GRID2: variants seen among roughly 807,000 people sequenced by gnomAD.
The protein encoded by GRID2 is glutamate ionotropic receptor delta type subunit 2.
Under a neutral mutation model 114.8 loss-of-function variants are expected in GRID2, and 33 were observed. The observed-to-expected ratio is 0.29, with a 90% CI of 0.22 to 0.38. The LOEUF (loss-of-function observed/expected upper bound fraction) is 0.38, where lower values mean the gene tolerates loss of function less well. Ranked by LOEUF, GRID2 falls within the 10% of genes least tolerant of loss-of-function variation. GRID2 has a pLI of 1.00. For synonymous variants in GRID2, 505 were observed against 449.9 expected (o/e 1.12, Z -1.55); for missense variants, 1,184 against 1,257.7 (o/e 0.94, Z 0.89).
intron 14 of GRID2, among the ~76,000 whole-genome samples, chr4:93,699,535 A>G (rs1241130020): frequency 1.3e-5 from 2 of 152,096 alleles, no homozygotes; most frequent in Admixed American, 1.3e-4. Flanking sequence ...CAAATAAAGA[A>G]TCTGAGGTTC....
At chr4:92,367,892 A>G (rs1318621661) in intron 1 of GRID2, among the ~76,000 whole-genome samples, 1 of 151,760 alleles carries the variant, frequency 6.6e-6, no homozygotes, top group Admixed American at 6.6e-5. Context: ...GTAAATTCCA[A>G]ATGATCTCTT....
rs73837318 is a variant in GRID2 at position 92,539,289 on chromosome 4, C to A, written c.89-50842C>A. Reference sequence around the variant, plus strand: ...TGAGTGTTTAACTATCTTAAATTTACACAGAGAAACATGTTGTGTCTGTAA... The same window carrying A: ...TGAGTGTTTAACTATCTTAAATTTAAACAGAGAAACATGTTGTGTCTGTAA... On this transcript the variant is annotated intron_variant, in intron 1 of 15. Coordinates refer to ENST00000282020, the MANE Select transcript of GRID2 (RefSeq NM_001510.4). Among the ~76,000 whole-genome samples the A allele has an allele frequency of 1.4e-3, 220 of 152,122 alleles. 1 individual carries two copies. The highest frequency in any genetic ancestry group is 4.6e-3 in the African/African-American group (192 of 41,498).
Position 93,116,962 on chromosome 4 carries a change from A to G in GRID2, c.735+6009A>G, listed in dbSNP as rs149765225. 2.0e-3 allele frequency among the ~76,000 whole-genome samples: 306 copies of G among 152,224 alleles called. 1 individual carries two copies. Among genetic ancestry groups the G allele is most frequent in the Non-Finnish European group, 3.4e-3 (232 of 67,970 alleles). ...GCAGTGATTCAATATTCACAAATGC[A>G]GTGTTCATAGGAATTTTATAGAACC... On this transcript the variant is annotated intron_variant, in intron 4 of 15. Transcript: ENST00000282020.
intron 1 of GRID2, among the ~76,000 whole-genome samples, chr4:92,569,693 A>T (rs1234917631): frequency 6.6e-6 from 1 of 151,838 alleles, no homozygotes; most frequent in East Asian, 1.9e-4. Flanking sequence ...TCTCATTGTC[A>T]TTTTGATTTG....
chr4:92,601,260 A>G (rs1729203741), intron 2 of GRID2, among the ~76,000 whole-genome samples: 1 of 152,204 alleles, frequency 6.6e-6, no homozygotes, highest in Non-Finnish European at 1.5e-5. Context: ...CACTTACATT[A>G]AAATTCATCA....
chr4:93,220,514 A>C (rs1744751461), intron 6 of GRID2, among the ~76,000 whole-genome samples: 1 of 152,324 alleles, frequency 6.6e-6, no homozygotes. Flanking sequence ...TGTATATACA[A>C]TTAAAAGTAA....
chr4:92,988,024 A>T (rs1332294893), intron 2 of GRID2, among the ~76,000 whole-genome samples: 1 of 152,188 alleles, frequency 6.6e-6, no homozygotes, highest in East Asian at 1.9e-4. Flanking sequence ...TTATTTATTT[A>T]TTCAATTCAT....
intron 14 of GRID2, among the ~76,000 whole-genome samples, chr4:93,735,430 C>G (rs186461824): frequency 6.6e-6 from 1 of 151,558 alleles, no homozygotes; most frequent in East Asian, 1.9e-4. Context: ...TTTTTTCTTT[C>G]AAAGGCCAAA....
chr4:93,150,288 T>C (rs1736619313), intron 4 of GRID2, among the ~76,000 whole-genome samples: 1 of 152,166 alleles, frequency 6.6e-6, no homozygotes, highest in South Asian at 2.1e-4. Flanking sequence ...TATCAGGCTC[T>C]AGTACAGAAC....
chr4:92,832,449 A>C (rs1742177522), intron 2 of GRID2, among the ~76,000 whole-genome samples: 2 of 151,952 alleles, frequency 1.3e-5, no homozygotes. Flanking sequence ...GCTGCAGTGC[A>C]GTGACGCAAT....
intron 2 of GRID2, among the ~76,000 whole-genome samples, chr4:92,924,214 A>T (rs983234686): frequency 2.0e-5 from 3 of 152,116 alleles, no homozygotes; most frequent in Admixed American, 1.3e-4. Flanking sequence ...ACACATGGAC[A>T]CAGGAAGGGG....
chr4:93,602,377 G>A (rs999055074), intron 13 of GRID2, among the ~76,000 whole-genome samples: 63 of 152,150 alleles, frequency 4.1e-4, no homozygotes, highest in African/African-American at 1.4e-3. Context: ...GGGGCTTATT[G>A]CACTCCACAG....
At chr4:93,591,443 C>A (rs1738291756) in intron 13 of GRID2, among the ~76,000 whole-genome samples, 1 of 151,936 alleles carries the variant, frequency 6.6e-6, no homozygotes, top group Non-Finnish European at 1.5e-5. Context: ...TGATGTGCTG[C>A]TGGATTCGGT....
intron 1 of GRID2, among the ~76,000 whole-genome samples, chr4:92,531,903 T>C (rs553712137): frequency 2.3e-4 from 35 of 152,158 alleles, no homozygotes; most frequent in Non-Finnish European, 3.7e-4. Flanking sequence ...ATTCAACTTA[T>C]GTTTAGAGCA....
intron 1 of GRID2, among the ~76,000 whole-genome samples, chr4:92,558,184 T>C (rs1726949321): frequency 6.6e-6 from 1 of 152,084 alleles, no homozygotes. Context: ...TGCCAAGATA[T>C]ATAGACACTT....
intron 2 of GRID2, among the ~76,000 whole-genome samples, chr4:92,795,393 T>G (rs1487774708): frequency 1.3e-5 from 2 of 151,898 alleles, no homozygotes; most frequent in African/African-American, 4.8e-5. Flanking sequence ...ATGTAAGAAG[T>G]GCCTTTCACC....
chr4:92,608,665 G>C (rs528739326), intron 2 of GRID2, among the ~76,000 whole-genome samples: 22 of 151,912 alleles, frequency 1.4e-4, no homozygotes, highest in South Asian at 1.0e-3. Context: ...AACTGAGTTA[G>C]ACAGAAGTAG....
At chr4:93,112,702 C>T (rs1471973035) in intron 4 of GRID2, among the ~76,000 whole-genome samples, 4 of 152,178 alleles carry the variant, frequency 2.6e-5, no homozygotes, top group African/African-American at 9.7e-5. Context: ...AAGTTTGCAT[C>T]TCACAGTTCT....
intron 8 of GRID2, among the ~76,000 whole-genome samples, chr4:93,238,951 T>A (rs1406266848): frequency 6.6e-6 from 1 of 151,050 alleles, no homozygotes; most frequent in Non-Finnish European, 1.5e-5. Context: ...ATGTAGAAAA[T>A]AGTTTGCAGA....
Sources: gnomAD v4.1 joint callset for allele counts (sites outside exome capture counted in the v4.1 genomes callset) on GRCh38, gnomAD v4.1.1 for gene constraint, MANE v1.5 for transcripts, NCBI Gene and HGNC (gene_info 2026-07-23, HGNC 2026-07-21) for gene names.